Variants in TBC1D28 observed in about 807,000 individuals in gnomAD.
The protein encoded by TBC1D28 is TBC1 domain family member 28.
Under a neutral mutation model 29.2 loss-of-function variants are expected in TBC1D28, and 20 were observed. The ratio of observed to expected loss-of-function variants is 0.68; its 90% CI spans 0.48 to 0.99. The LOEUF (loss-of-function observed/expected upper bound fraction) is 0.99. Ranked by LOEUF, TBC1D28 falls within the 50% of genes least tolerant of loss-of-function variation. The probability of loss-of-function intolerance (pLI) is 0.00; values close to 1 mark genes in which losing one functional copy is unlikely to be tolerated. For missense variants in TBC1D28, 205 were observed against 243.7 expected (o/e 0.84, Z 1.06); for synonymous variants, 65 against 90.9 (o/e 0.71, Z 1.62).
upstream of TBC1D28, among the ~76,000 whole-genome samples, chr17:18,643,757 G>A (rs1427705352): frequency 1.3e-5 from 2 of 152,218 alleles, no homozygotes; most frequent in African/African-American, 4.8e-5. Flanking sequence ...CACAGGCAGA[G>A]GGCTCCCTAC....
rs150533797 is a variant in TBC1D28 at position 18,641,860 on chromosome 17, C to T, written c.-136G>A. 245 of 176,840 alleles carry T rather than the reference C, an allele frequency of 1.4e-3. 1 individual carries two copies. Among genetic ancestry groups the T allele is most frequent in the African/African-American group, 5.7e-3 (238 of 41,860 alleles). The allele number at this position is 176,840 out of a possible 1,614,324, so 11.0% of individuals were successfully genotyped here. ...AGTGAAGCCCCTTCAGGAACAACGC[C>T]AGCCAAGCAGTTTGGTTTGGGGAAA... On this transcript the variant is annotated 5_prime_UTR_variant, in exon 1 of 9. Coordinates refer to ENST00000345096, the Ensembl canonical transcript of TBC1D28.
intron 7 of TBC1D28, 90 bp downstream of exon 8, chr17:18,638,223 A>G: frequency 4.7e-6 from 7 of 1,488,792 alleles, no homozygotes; most frequent in East Asian, 2.3e-5. Context: ...CCCCCAACCC[A>G]GGCTCAACGT....
downstream of TBC1D28, among the ~76,000 whole-genome samples, chr17:18,634,514 A>T (rs2031384561): frequency 6.6e-6 from 1 of 152,072 alleles, no homozygotes; most frequent in Non-Finnish European, 1.5e-5. Context: ...CAAAATGTTT[A>T]ATCAAGTCAG....
At chr17:18,638,680 G>T in exon 6 of TBC1D28, 1 of 1,614,092 alleles carries the variant, frequency 6.2e-7, no homozygotes, top group South Asian at 1.1e-5. Context: ...TTGTTGGTAC[G>T]TTTACTTTCC....
chr17:18,640,549 AG>A (rs1338355528), intron 4 of TBC1D28, among the ~76,000 whole-genome samples: 1 of 151,962 alleles, frequency 6.6e-6, no homozygotes, highest in Non-Finnish European at 1.5e-5. Flanking sequence ...ACAACCTACC[AG>A]GGCCAGGGCC....
intron 2 of TBC1D28, 72 bp from the exon 4 acceptor site, chr17:18,641,425 G>GCACT (rs2031760308): frequency 9.6e-7 from 1 of 1,045,256 alleles, no homozygotes; most frequent in South Asian, 1.4e-5. Context: ...CACACGCACT[G>GCACT]CACTCCCAGA....
intron 5 of TBC1D28, 193 bp downstream of exon 6, chr17:18,638,982 G>A (rs1211890138): frequency 1.0e-6 from 1 of 995,934 alleles, no homozygotes; most frequent in African/African-American, 1.7e-5. Context: ...TCTGAGCCAG[G>A]ACTACAGTTC....
In TBC1D28 at chr17:18,638,078, G is replaced by A. The variant is rs1220163218; in HGVS notation, c.388-105C>T. 8 of 1,569,486 alleles carry A rather than the reference G, an allele frequency of 5.1e-6. No individual in the cohort carries two copies. In the South Asian group the frequency reaches 7.8e-5, roughly 15 times the overall value. On this transcript the variant is annotated intron_variant, in intron 7 of 8. Transcript: ENST00000345096. ...GTCAGCACTTCTGGAAGGAAGGAAG[G>A]AAGGAAGGTTTCCTTCTGCAGAAAG... is the stretch of plus-strand genomic sequence containing the variant.
At chr17:18,643,377 T>TA (rs1361559788), upstream of TBC1D28, among the ~76,000 whole-genome samples, 4 of 150,294 alleles carry the variant, frequency 2.7e-5, no homozygotes, top group African/African-American at 9.9e-5. Flanking sequence ...AAGGAGGCTC[T>TA]AAGGACAAAC....
At chr17:18,643,452 A>G (rs1423406161), upstream of TBC1D28, among the ~76,000 whole-genome samples, 1 of 150,400 alleles carries the variant, frequency 6.6e-6, no homozygotes, top group Admixed American at 6.6e-5. Flanking sequence ...CCTGCCGGCC[A>G]GGCTTTCACT....
chr17:18,635,940 C>A, exon 9 of TBC1D28: 1 of 992,364 alleles, frequency 1.0e-6, no homozygotes, highest in East Asian at 1.1e-4. Context: ...GGGACTTGAG[C>A]AATACCAAGA....
chr17:18,634,688 C>T (rs1454109495), downstream of TBC1D28, among the ~76,000 whole-genome samples: 4 of 152,236 alleles, frequency 2.6e-5, no homozygotes, highest in African/African-American at 9.7e-5. Flanking sequence ...CAGGAGCCCA[C>T]GAGGTTCACA....
In TBC1D28 at chr17:18,636,107, C is replaced by A. The variant is rs528775934; in HGVS notation, c.*355G>T. The A allele has an allele frequency of 3.4e-5, 36 of 1,045,146 alleles. No individual in the cohort carries two copies. In the South Asian group the frequency reaches 1.3e-3, roughly 39 times the overall value. The allele number at this position is 1,045,146 out of a possible 1,614,324, so 64.7% of individuals were successfully genotyped here. ...CAAGCAGGAAGAGCCACCTGGGTGA[C>A]CCCCCTCCCTATCTGCTATGCTCCT... On this transcript the variant is annotated 3_prime_UTR_variant, in exon 9 of 9. Coordinates refer to ENST00000345096, the Ensembl canonical transcript of TBC1D28.
Position 18,638,611 on chromosome 17 carries a change from CCCAT to C in TBC1D28, c.279+6_279+9del, listed in dbSNP as rs1473171579. Reference sequence around the variant, plus strand: ...GAGCAGTCACGGGGGCCGCTTCCTCCCCATGTTACCTTCTTGGTGCTCCTATATT... The same window carrying C: ...GAGCAGTCACGGGGGCCGCTTCCTCCGTTACCTTCTTGGTGCTCCTATATT... On this transcript the variant is annotated splice_donor_region_variant and intron_variant, in intron 6 of 8. Transcript: ENST00000345096. 6.2e-7 allele frequency: 1 copy of C among 1,614,086 alleles called. No homozygotes were observed. The highest frequency in any genetic ancestry group is 1.3e-5 in the African/African-American group (1 of 74,920).
At chr17:18,642,617 C>G (rs1238640420), upstream of TBC1D28, 4 of 152,266 alleles carry the variant, frequency 2.6e-5, no homozygotes, top group African/African-American at 7.2e-5. Flanking sequence ...GGACAGCACC[C>G]ATCGCCACAG....
At position 18,635,844 on chromosome 17, in the gene TBC1D28, C is replaced by T. The variant is rs950271380; in HGVS notation, c.*618G>A. The T allele has an allele frequency of 2.2e-5, 22 of 991,730 alleles. No individual in the cohort carries two copies. The South Asian group carries it at 6.4e-4, about 29-fold the overall frequency. The allele number at this position is 991,730 out of a possible 1,614,324, so 61.4% of individuals were successfully genotyped here. ...CTCCTCTGAGGGCTGAGCAAGACAT[C>T]GATAGTGGGTGAAGGCAAGTGTTTG... is the stretch of plus-strand genomic sequence containing the variant. On this transcript the variant is annotated 3_prime_UTR_variant, in exon 9 of 9. Transcript: ENST00000345096.
At position 18,636,843 on chromosome 17, in the gene TBC1D28, T is replaced by C. The variant is rs375672117; in HGVS notation, c.498-246A>G. 5.5e-3 allele frequency among the ~76,000 whole-genome samples: 754 copies of C among 136,880 alleles called. 6 individuals carry two copies. Among genetic ancestry groups the C allele is most frequent in the African/African-American group, 0.021 (704 of 34,186 alleles). The allele number at this position is 136,880 out of a possible 152,430, so 89.8% of individuals were successfully genotyped here. ...TTTTTCACTCTGGTTGATTTTTTCTTCCCCTTTTTCTCAGTTTGCACACAC... is the reference window on the plus strand; with the variant it reads ...TTTTTCACTCTGGTTGATTTTTTCTCCCCCTTTTTCTCAGTTTGCACACAC... On this transcript the variant is annotated intron_variant, in intron 8 of 8. Transcript: ENST00000345096.
upstream of TBC1D28, among the ~76,000 whole-genome samples, chr17:18,643,767 C>A: frequency 6.6e-6 from 1 of 152,232 alleles, no homozygotes; most frequent in Non-Finnish European, 1.5e-5. Context: ...GGGCTCCCTA[C>A]TCCCAGACAA....
chr17:18,641,454 G>GC, intron 2 of TBC1D28, 101 bp from the exon 4 acceptor site: 1 of 1,041,140 alleles, frequency 9.6e-7, no homozygotes, highest in Non-Finnish European at 1.4e-6. Context: ...AGTCTGGTGA[G>GC]CCCCATTCCA....
Sources: allele counts gnomAD v4.1 joint callset (sites outside exome capture counted in the v4.1 genomes callset), GRCh38; gene constraint gnomAD v4.1.1; transcripts MANE v1.5; gene names NCBI Gene and HGNC (gene_info 2026-07-23, HGNC 2026-07-21).